The following IRAG2 variants were observed in gnomAD, a reference collection of about 807,000 sequenced individuals.
The protein encoded by IRAG2 is inositol 1,4,5-triphosphate receptor associated 2.
A neutral mutation model predicts 69.9 loss-of-function variants in IRAG2; 45 were observed. The observed-to-expected ratio is 0.64, with a 90% CI of 0.51 to 0.83. IRAG2 has a LOEUF of 0.83. IRAG2 is among the 40% of genes least tolerant of loss of function. The pLI is 0.00. For synonymous variants in IRAG2, 193 were observed against 202.4 expected, an observed-to-expected ratio of 0.95 and a Z score of 0.40; for missense variants, 520 against 587.0, an observed-to-expected ratio of 0.89 and a Z score of 1.18.
In IRAG2 at chr12:25,108,298, T is replaced by C; in HGVS notation, c.*238T>C. ...AGGAAGAAATATTATATATTGTTTG[T>C]TAAAGTTTATTGAAATAAAGAATCA... On this transcript the variant is annotated 3_prime_UTR_variant, in exon 22 of 22. Coordinates refer to ENST00000556887, the MANE Select transcript of IRAG2 (RefSeq NM_001366544.2). 1.8e-6 allele frequency: 1 copy of C among 547,794 alleles called. No homozygotes were observed. The allele number at this position is 547,794 out of a possible 1,614,324, so 33.9% of individuals were successfully genotyped here.
At position 25,108,200 on chromosome 12, in the gene IRAG2, T is replaced by A; in HGVS notation, c.*140T>A. ...ACTGTAAGATAGCTTACATTTCCTC[T>A]TTTTGCCTTTATCTCCCCAACTAAA... On this transcript the variant is annotated 3_prime_UTR_variant, in exon 22 of 22. Transcript: ENST00000556887. 1.1e-6 allele frequency: 1 copy of A among 951,848 alleles called. No individual in the cohort carries two copies. The highest frequency in any genetic ancestry group is 2.6e-5 in the East Asian group (1 of 39,138). 59.0% of individuals were successfully genotyped at this position (951,848 alleles called of 1,614,324 possible). A position where few individuals can be genotyped will look rare whatever the true frequency, so the allele number is the denominator to read the frequency against.
chr12:25,062,690 T>C, intron 2 of IRAG2, 130 bp from the exon 3 acceptor site: 1 of 395,094 alleles, frequency 2.5e-6, no homozygotes, highest in East Asian at 3.6e-5. Context: ...TGGAGTAGAA[T>C]ACAAAAAGAA....
intron 2 of IRAG2, among the ~76,000 whole-genome samples, chr12:25,010,340 G>T (rs1394202424): frequency 6.6e-6 from 1 of 152,104 alleles, no homozygotes; most frequent in Non-Finnish European, 1.5e-5. Flanking sequence ...AGCTGGGTGT[G>T]GTGGCACATG....
intron 10 of IRAG2, 33 bp downstream of exon 10, chr12:25,083,526 G>A (rs781008833): frequency 1.5e-6 from 2 of 1,342,138 alleles, no homozygotes; most frequent in South Asian, 1.2e-5. Flanking sequence ...AACAAAGGTG[G>A]TGGTATCTTA....
At chr12:25,033,743 A>C in intron 12 of IRAG2, 1 of 394,676 alleles carries the variant, frequency 2.5e-6, no homozygotes, top group Non-Finnish European at 4.5e-6. Context: ...AATCCTTGGC[A>C]CATGGCACTG....
chr12:25,017,031 A>C, intron 5 of IRAG2: 3 of 877,788 alleles, frequency 3.4e-6, no homozygotes, highest in Non-Finnish European at 4.5e-6. Context: ...AAAAAAAAAA[A>C]CTCACCAGAA....
intron 9 of IRAG2, among the ~76,000 whole-genome samples, chr12:25,029,304 G>A (rs1944650449): frequency 6.6e-6 from 1 of 152,140 alleles, no homozygotes; most frequent in Admixed American, 6.6e-5. Context: ...TAAACCAGTG[G>A]AAAGAGCCAG....
At chr12:25,048,988 A>C (rs115514682), upstream of IRAG2, among the ~76,000 whole-genome samples, 7,326 of 152,264 alleles carry the variant, frequency 0.048, 536 homozygotes, top group African/African-American at 0.16. Context: ...GTAGCTAGCC[A>C]GTTCTCCCAG....
Position 25,089,629 on chromosome 12 carries a change from C to G in IRAG2, c.389C>G (p.Pro130Arg), listed in dbSNP as rs776174372. The change falls in exon 12 of 22, where the codon CCT becomes CGT. Residue 130 changes from proline to arginine, a missense_variant. Transcript: ENST00000556887. Reference sequence around the variant, plus strand: ...ATTTTAATAGACTCTGTGGTTTCCCCTCTTCCTGTAACCACTGTGAAATCG... The same window carrying G: ...ATTTTAATAGACTCTGTGGTTTCCCGTCTTCCTGTAACCACTGTGAAATCG... ...EHASGDSVVSPLPVTTVKSVN... is the reference protein window; with the variant it reads ...EHASGDSVVSRLPVTTVKSVN... The G allele has an allele frequency of 6.3e-7, 1 of 1,597,396 alleles. No individual in the cohort carries two copies. Among genetic ancestry groups the G allele is most frequent in the South Asian group, 1.1e-5 (1 of 90,292 alleles).
intron 2 of IRAG2, chr12:25,006,188 C>T (rs1423823843): frequency 6.6e-6 from 1 of 152,180 alleles, no homozygotes; most frequent in African/African-American, 2.4e-5. Flanking sequence ...TACCATCTCA[C>T]ACCAGTCAGA....
At chr12:25,004,538 C>T in exon 1 of IRAG2, 1 of 1,232,140 alleles carries the variant, frequency 8.1e-7, no homozygotes, top group Non-Finnish European at 1.0e-6. Flanking sequence ...AAAATGACTG[C>T]TGCTTGTGTT....
intron 16 of IRAG2, among the ~76,000 whole-genome samples, chr12:25,041,470 GTTTTC>G (rs1646318354): frequency 6.6e-6 from 1 of 151,568 alleles, no homozygotes; most frequent in African/African-American, 2.4e-5. Flanking sequence ...AGTAAGGAGA[GTTTTC>G]TTTTCTTTTG....
chr12:25,031,788 G>A (rs2139848152), intron 10 of IRAG2, among the ~76,000 whole-genome samples: 1 of 152,228 alleles, frequency 6.6e-6, no homozygotes. Context: ...TCAGCCTCCT[G>A]AGTAGCTGGG....
chr12:25,101,674 C>T (rs757840021), intron 16 of IRAG2, among the ~76,000 whole-genome samples: 36 of 152,130 alleles, frequency 2.4e-4, no homozygotes, highest in Admixed American at 5.9e-4. Context: ...TTTAAATGGG[C>T]GCTGCCATCA....
rs545567022 is a variant in IRAG2, at chr12:25,045,111, G to A, written c.2144+6974G>A. Among the ~76,000 whole-genome samples, 13 of 152,100 alleles carry A rather than the reference G, an allele frequency of 8.5e-5. No homozygotes were observed. The South Asian group carries it at 1.9e-3, about 22-fold the overall frequency. Reference sequence around the variant, plus strand: ...AGAAATGTATAGCAGAAGGAAAACGGAAATATTCACAAATATGTGAGAATT... The same window carrying A: ...AGAAATGTATAGCAGAAGGAAAACGAAAATATTCACAAATATGTGAGAATT... On this transcript the variant is annotated intron_variant, in intron 16 of 38. Coordinates refer to the IRAG2 transcript ENST00000636465.
chr12:25,077,343 T>C (rs1308688381), intron 6 of IRAG2, among the ~76,000 whole-genome samples: 2 of 54,758 alleles, frequency 3.7e-5, no homozygotes, highest in African/African-American at 1.2e-4. Context: ...ATATATGAAA[T>C]ATATATATGA....
At chr12:25,046,123 A>T (rs1197411206) in intron 16 of IRAG2, among the ~76,000 whole-genome samples, 1 of 152,152 alleles carries the variant, frequency 6.6e-6, no homozygotes, top group East Asian at 1.9e-4. Flanking sequence ...ATATTTTGTG[A>T]TCATCTCTAT....
intron 6 of IRAG2, 40 bp from the exon 7 acceptor site, chr12:25,079,204 T>G: frequency 1.9e-6 from 3 of 1,608,520 alleles, no homozygotes; most frequent in Non-Finnish European, 2.6e-6. Context: ...ATGGAAAATG[T>G]CAAATTGTTG....
intron 6 of IRAG2, among the ~76,000 whole-genome samples, chr12:25,069,650 G>A (rs1946199482): frequency 6.6e-6 from 1 of 152,202 alleles, no homozygotes. Flanking sequence ...TCTACCCTGT[G>A]TTTAGTATGC....
Sources: gnomAD v4.1 joint callset for allele counts (sites outside exome capture counted in the v4.1 genomes callset) on GRCh38, gnomAD v4.1.1 for gene constraint, MANE v1.5 for transcripts, NCBI Gene and HGNC (gene_info 2026-07-23, HGNC 2026-07-21) for gene names.